The following CDC16 variants were observed in gnomAD, a reference collection of about 807,000 sequenced individuals.
CDC16 encodes the protein cell division cycle 16.
Under a neutral mutation model 87.0 loss-of-function variants are expected in CDC16, and 34 were observed. That is an observed-to-expected ratio of 0.39 (90% CI 0.30 to 0.52). The LOEUF (loss-of-function observed/expected upper bound fraction) is 0.52, where lower values mean the gene tolerates loss of function less well. Among genes scored for constraint, CDC16 ranks in the 20% least tolerant of loss-of-function variants. The probability of loss-of-function intolerance (pLI) is 0.74; values close to 1 mark genes in which losing one functional copy is unlikely to be tolerated. For synonymous variants in CDC16, 263 were observed against 260.6 expected (o/e 1.01, Z -0.09); for missense variants, 653 against 751.9 (o/e 0.87, Z 1.54).
chr13:114,252,102 C>T (rs1002136049), intron 12 of CDC16, among the ~76,000 whole-genome samples: 5 of 130,006 alleles, frequency 3.8e-5, no homozygotes, highest in East Asian at 4.8e-4. Flanking sequence ...GATAAGAGCC[C>T]TACACTAGCC....
chr13:114,256,613 A>G (rs2082512688), intron 12 of CDC16, among the ~76,000 whole-genome samples: 1 of 152,260 alleles, frequency 6.6e-6, no homozygotes. Context: ...TCTTCTGCAT[A>G]GAACTGATTA....
In CDC16 at chr13:114,261,887, G is replaced by C. The variant is rs749429470; in HGVS notation, c.1315G>C (p.Val439Leu). 6.2e-7 allele frequency: 1 copy of C among 1,600,548 alleles called. No individual in the cohort carries two copies. Among genetic ancestry groups the C allele is most frequent in the South Asian group, 1.1e-5 (1 of 88,858 alleles). The change falls in exon 15 of 18, where the codon GTA (valine) becomes CTA (leucine). Residue 439 changes from valine to leucine, a missense_variant and splice_region_variant. Transcript: ENST00000356221. ...LEKIKAIGNE[V>L]TVDKWEPLLN... ...TGGGCTTGATGTTGCTATGTTTTAGGTAACAGTTGACAAATGGGAACCTTT... is the reference window on the plus strand; with the variant it reads ...TGGGCTTGATGTTGCTATGTTTTAGCTAACAGTTGACAAATGGGAACCTTT...
chr13:114,266,847 C>T (rs533660423), intron 17 of CDC16, among the ~76,000 whole-genome samples: 1 of 152,084 alleles, frequency 6.6e-6, no homozygotes, highest in Non-Finnish European at 1.5e-5. Context: ...AGGCACCCAT[C>T]ACCACGCCCG....
chr13:114,268,617 C>G (rs569691313), intron 17 of CDC16, among the ~76,000 whole-genome samples: 3 of 152,224 alleles, frequency 2.0e-5, no homozygotes, highest in East Asian at 1.9e-4. Flanking sequence ...GTCTTTAGAC[C>G]GTATTCTGCC....
At chr13:114,250,774 C>G in intron 12 of CDC16, 100 bp downstream of exon 12, 1 of 1,164,418 alleles carries the variant, frequency 8.6e-7, no homozygotes, top group Non-Finnish European at 1.2e-6. Flanking sequence ...CTAAACTAAA[C>G]ACAAACATTT....
chr13:114,264,806 ATG>A, intron 16 of CDC16: 1 of 181,182 alleles, frequency 5.5e-6, no homozygotes, highest in Non-Finnish European at 1.2e-5. Context: ...GGGTTTCACC[ATG>A]TTTTGGTCAG....
At chr13:114,271,491 T>G (rs2083652646) in intron 17 of CDC16, among the ~76,000 whole-genome samples, 1 of 152,094 alleles carries the variant, frequency 6.6e-6, no homozygotes, top group Non-Finnish European at 1.5e-5. Flanking sequence ...TTCTTTTTTT[T>G]TGAGATGGAA....
chr13:114,245,189 C>T (rs2081793305), intron 9 of CDC16, among the ~76,000 whole-genome samples: 1 of 151,856 alleles, frequency 6.6e-6, no homozygotes, highest in Admixed American at 6.6e-5. Flanking sequence ...TCACTGCTTC[C>T]TACTACCTTT....
Position 114,265,165 on chromosome 13 carries a change from C to T in CDC16, c.1528C>T (p.Arg510Ter), listed in dbSNP as rs1478439709. 8 of 1,609,372 alleles carry T rather than the reference C, an allele frequency of 5.0e-6. No homozygotes were observed. The highest frequency in any genetic ancestry group is 1.7e-5 in the Admixed American group (1 of 59,998). ...TTTATGGCAGGCCCTTGGTCTTAGG[C>T]GAGATGATACATTTTCTGTTACAAT... is the stretch of plus-strand genomic sequence containing the variant. ...DYFHTALGLR[R>*]DDTFSVTMLG... is the part of the protein sequence containing the mutation. The change falls in exon 17 of 18, where the codon CGA becomes TGA. Residue 510 changes from arginine (R) to a stop codon, truncating the protein, a stop_gained. Transcript: ENST00000356221. LOFTEE classifies it high-confidence loss of function.
At chr13:114,265,330 G>A (rs2083135460) in intron 17 of CDC16, 90 bp downstream of exon 17, 2 of 823,578 alleles carry the variant, frequency 2.4e-6, no homozygotes, top group Non-Finnish European at 4.2e-6. Flanking sequence ...CTCGTCTGAG[G>A]TTCCAAGTTC....
Position 114,243,287 on chromosome 13 carries a change from G to T in CDC16, c.572G>T (p.Ser191Ile), listed in dbSNP as rs751331618. The change falls in exon 7 of 18, where the codon AGC becomes ATC. Residue 191 changes from serine to isoleucine, a missense_variant. By Grantham distance (142) the Ser-to-Ile change is moderately radical (BLOSUM62 -2). Transcript: ENST00000356221. ...EKELLESLPL[S>I]KLCNEEQELL... ...GAACTTCTTGAATCACTACCCCTTA[G>T]CAAGCTGTGTAATGAAGAACAGGAA... 9 of 1,582,906 alleles carry T rather than the reference G, an allele frequency of 5.7e-6. No homozygotes were observed. The highest frequency in any genetic ancestry group is 7.8e-6 in the Non-Finnish European group (9 of 1,152,794).
chr13:114,253,665 G>A (rs2082326915), intron 12 of CDC16, among the ~76,000 whole-genome samples: 1 of 151,300 alleles, frequency 6.6e-6, no homozygotes, highest in Admixed American at 6.6e-5. Flanking sequence ...CTCCAGCCTG[G>A]GCGACAGAGT....
intron 7 of CDC16, among the ~76,000 whole-genome samples, chr13:114,243,653 C>A (rs550189690): frequency 6.6e-6 from 1 of 152,064 alleles, no homozygotes. Flanking sequence ...AAATACGTCC[C>A]GCTGTGGAAT....
intron 17 of CDC16, 66 bp downstream of exon 17, chr13:114,265,306 A>G (rs975837927): frequency 1.0e-6 from 1 of 997,574 alleles, no homozygotes; most frequent in Non-Finnish European, 1.6e-6. Context: ...GTCTCTGTTT[A>G]TGTTTCTCAT....
In CDC16 at chr13:114,239,293, C is replaced by T. The variant is rs2081421257; in HGVS notation, c.241-57C>T. On this transcript the variant is annotated intron_variant, in intron 4 of 17. Transcript: ENST00000356221. The stretch of plus-strand genomic sequence containing the variant: ...TATGTTATCCTTTAAAAATTCGGAT[C>T]ATGTGTTTCGTGTTAGAAGTCGTGA... 17 of 1,550,136 alleles carry T rather than the reference C, an allele frequency of 1.1e-5. 1 individual carries two copies. In the South Asian group the frequency reaches 1.9e-4, roughly 18 times the overall value.
At chr13:114,245,439 G>C (rs575098341) in intron 9 of CDC16, among the ~76,000 whole-genome samples, 57 of 152,242 alleles carry the variant, frequency 3.7e-4, no homozygotes, top group Admixed American at 5.9e-4. Context: ...AAACTGAATG[G>C]TGAGCTCTGT....
chr13:114,251,511 T>C (rs17291334), intron 12 of CDC16, among the ~76,000 whole-genome samples: 5 of 152,200 alleles, frequency 3.3e-5, no homozygotes, highest in Admixed American at 2.0e-4. Flanking sequence ...TTTATCTGTA[T>C]TGAATGTCAT....
At chr13:114,254,415 G>A (rs2082376487) in intron 12 of CDC16, among the ~76,000 whole-genome samples, 1 of 151,732 alleles carries the variant, frequency 6.6e-6, no homozygotes, top group South Asian at 2.1e-4. Context: ...TTATCTTTAG[G>A]ATTATAATTA....
chr13:114,257,284 T>C (rs1320244885), intron 13 of CDC16, 54 bp downstream of exon 13: 2 of 1,318,286 alleles, frequency 1.5e-6, no homozygotes, highest in African/African-American at 2.9e-5. Context: ...GTAAATACAG[T>C]AGGTGATCAC....
Sources: allele counts gnomAD v4.1 joint callset (sites outside exome capture counted in the v4.1 genomes callset), GRCh38; gene constraint gnomAD v4.1.1; transcripts MANE v1.5; gene names NCBI Gene and HGNC (gene_info 2026-07-23, HGNC 2026-07-21).